Variants in SYT6 observed in about 807,000 individuals in gnomAD.
The protein encoded by SYT6 is synaptotagmin 6, also known as synaptotagmin-6.
Under a neutral mutation model 38.4 loss-of-function variants are expected in SYT6, and 24 were observed. The observed-to-expected ratio is 0.62, with a 90% CI of 0.45 to 0.88. SYT6 has a LOEUF of 0.88. Ranked by LOEUF, SYT6 falls within the 40% of genes least tolerant of loss-of-function variation. SYT6 has a pLI of 0.00. For synonymous variants in SYT6, 265 were observed against 241.9 expected (o/e 1.10, Z -0.89); for missense variants, 611 against 621.0 (o/e 0.98, Z 0.17).
intron 3 of SYT6, among the ~76,000 whole-genome samples, chr1:114,122,375 G>T (rs977961956): frequency 2.6e-5 from 4 of 152,218 alleles, no homozygotes; most frequent in African/African-American, 9.6e-5. Flanking sequence ...TTGGGGACTG[G>T]AGTCCTCCAG....
intron 3 of SYT6, among the ~76,000 whole-genome samples, chr1:114,134,102 A>C (rs1228072934): frequency 6.6e-6 from 1 of 152,180 alleles, no homozygotes; most frequent in Admixed American, 6.5e-5. Context: ...GCAACCTCCA[A>C]GTCCCCTTTC....
At chr1:114,149,490 GA>G (rs1370690829) in intron 1 of SYT6, among the ~76,000 whole-genome samples, 5 of 152,056 alleles carry the variant, frequency 3.3e-5, no homozygotes, top group African/African-American at 1.2e-4. Context: ...GTGATGAGGA[GA>G]GACAATGCCA....
chr1:114,091,457 T>C lies in SYT6; in HGVS notation c.*677A>G, dbSNP rs892781737. 16 of 152,386 alleles carry C rather than the reference T, an allele frequency of 1.0e-4. No individual in the cohort carries two copies. Among genetic ancestry groups the C allele is most frequent in the Middle Eastern group, 3.2e-3 (1 of 316 alleles). 9.4% of individuals were successfully genotyped at this position (152,386 alleles called of 1,614,324 possible). ...AGGCTCACAAGCGCCTCAGAGGTCTTGTGATTTCAACACGGGACTGAGGGT... is the reference window on the plus strand; with the variant it reads ...AGGCTCACAAGCGCCTCAGAGGTCTCGTGATTTCAACACGGGACTGAGGGT... On this transcript the variant is annotated 3_prime_UTR_variant, in exon 8 of 8. Transcript: ENST00000610222.
chr1:114,139,576 A>G, intron 2 of SYT6, 39 bp downstream of exon 2: 4 of 1,611,728 alleles, frequency 2.5e-6, no homozygotes, highest in Non-Finnish European at 3.4e-6. Context: ...GGGAGTGTGG[A>G]GGTGTGGGGG....
rs77882772 is a variant in SYT6 at position 114,124,065 on chromosome 1, C to T, written c.1071+13430G>A. Reference sequence around the variant, plus strand: ...GAGGGTTGAGATAGAAGTGGCTTCCCCCTTCCTATCTCAGGTGGCAACTCC... The same window carrying T: ...GAGGGTTGAGATAGAAGTGGCTTCCTCCTTCCTATCTCAGGTGGCAACTCC... On this transcript the variant is annotated intron_variant, in intron 3 of 7. Transcript: ENST00000610222. 7.1e-3 allele frequency among the ~76,000 whole-genome samples: 1,084 copies of T among 152,326 alleles called. 46 individuals carry two copies. The East Asian group carries it at 0.13, about 18-fold the overall frequency.
intron 7 of SYT6, 21 bp from the exon 8 acceptor site, chr1:114,092,103 T>C: frequency 1.3e-6 from 2 of 1,535,062 alleles, no homozygotes; most frequent in Non-Finnish European, 1.7e-6. Context: ...GAGAACAATC[T>C]GTTTATTAAT....
intron 3 of SYT6, among the ~76,000 whole-genome samples, chr1:114,132,954 G>A (rs1420137193): frequency 6.6e-6 from 1 of 152,188 alleles, no homozygotes; most frequent in Admixed American, 6.5e-5. Context: ...TGCAATTCAG[G>A]TTGGGTTGAC....
intron 3 of SYT6, among the ~76,000 whole-genome samples, chr1:114,115,240 A>G (rs1676924080): frequency 2.0e-5 from 3 of 152,190 alleles, no homozygotes; most frequent in African/African-American, 7.2e-5. Flanking sequence ...GGAACTGACA[A>G]CCATTGCTTT....
chr1:114,131,997 G>A (rs559074871), intron 3 of SYT6, among the ~76,000 whole-genome samples: 1 of 152,322 alleles, frequency 6.6e-6, no homozygotes, highest in East Asian at 1.9e-4. Context: ...TCCCTCTGGC[G>A]GTGCAAGGAT....
At chr1:114,120,863 C>A (rs1392761763) in intron 3 of SYT6, among the ~76,000 whole-genome samples, 2 of 152,128 alleles carry the variant, frequency 1.3e-5, no homozygotes, top group South Asian at 2.1e-4. Context: ...CTGGCTAGGA[C>A]CCCCTCCTAC....
At chr1:114,110,858 C>T (rs1054609477) in intron 3 of SYT6, among the ~76,000 whole-genome samples, 5 of 152,164 alleles carry the variant, frequency 3.3e-5, no homozygotes. Flanking sequence ...CTCCCCCTGC[C>T]CACTCCCTCC....
At chr1:114,096,725 T>A (rs773572447) in intron 6 of SYT6, among the ~76,000 whole-genome samples, 3 of 152,222 alleles carry the variant, frequency 2.0e-5, no homozygotes, top group Non-Finnish European at 4.4e-5. Flanking sequence ...GACTCCAATT[T>A]TAAGCCGAGG....
At chr1:114,111,886 G>A (rs1676704935) in intron 3 of SYT6, among the ~76,000 whole-genome samples, 1 of 152,162 alleles carries the variant, frequency 6.6e-6, no homozygotes, top group South Asian at 2.1e-4. Context: ...GGTGCCGAGA[G>A]GGGGCCCCTG....
chr1:114,097,933 A>G (rs1423868985), intron 5 of SYT6, 56 bp from the exon 6 acceptor site: 4 of 1,599,708 alleles, frequency 2.5e-6, no homozygotes, highest in Admixed American at 3.4e-5. Flanking sequence ...TCAGAAAAGG[A>G]GGTCCAGTGT....
chr1:114,142,900 C>T (rs893578315), intron 1 of SYT6, among the ~76,000 whole-genome samples: 4 of 152,042 alleles, frequency 2.6e-5, no homozygotes, highest in Non-Finnish European at 5.9e-5. Context: ...AATTTTATTG[C>T]ACACTTAATA....
intron 1 of SYT6, among the ~76,000 whole-genome samples, chr1:114,144,294 C>T (rs1425733206): frequency 6.6e-6 from 1 of 152,180 alleles, no homozygotes; most frequent in African/African-American, 2.4e-5. Flanking sequence ...TCTGTATTAG[C>T]CTGTCCAAAT....
At chr1:114,102,901 C>T (rs1255666887) in intron 4 of SYT6, among the ~76,000 whole-genome samples, 4 of 152,248 alleles carry the variant, frequency 2.6e-5, no homozygotes, top group Admixed American at 2.0e-4. Context: ...CCTTCCACAA[C>T]TTGCAGAATT....
chr1:114,149,222 T>TGTGTGTGTGTGTGTGCGCGTGCGCGC (rs1553185740), intron 1 of SYT6, among the ~76,000 whole-genome samples: 2 of 118,122 alleles, frequency 1.7e-5, no homozygotes, highest in Non-Finnish European at 3.8e-5. Flanking sequence ...AGAGATTGTG[T>TGTGTGTGTGTGTGTGCGCGTGCGCGC]GTGTGTGTGT....
intron 3 of SYT6, among the ~76,000 whole-genome samples, chr1:114,109,566 T>C (rs1676548721): frequency 6.6e-6 from 1 of 152,200 alleles, no homozygotes. Flanking sequence ...GCCGCAGAGA[T>C]TAAATGAGGT....
Sources: gnomAD v4.1 joint callset for allele counts (sites outside exome capture counted in the v4.1 genomes callset) on GRCh38, gnomAD v4.1.1 for gene constraint, MANE v1.5 for transcripts, NCBI Gene and HGNC (gene_info 2026-07-23, HGNC 2026-07-21) for gene names.